Variants in HEMK2 observed in about 807,000 individuals in gnomAD.
The protein encoded by HEMK2 is HemK methyltransferase 2, ETF1 glutamine and histone H4 lysine.
chr21:28,671,012 TG>T, the HEMK2 span: 1 of 152,134 alleles, frequency 6.6e-6, no homozygotes, highest in Non-Finnish European at 1.5e-5. Flanking sequence ...TCAAAGAAAG[TG>T]ATGCAACAGG....
At chr21:28,729,345 CG>C in the HEMK2 span, among the ~76,000 whole-genome samples, 1 of 152,040 alleles carries the variant, frequency 6.6e-6, no homozygotes, top group Non-Finnish European at 1.5e-5. Context: ...AAACCAAGAC[CG>C]TGGCCTAGAA....
At chr21:28,672,032 T>G in the HEMK2 span, among the ~76,000 whole-genome samples, 2 of 152,064 alleles carry the variant, frequency 1.3e-5, no homozygotes, top group African/African-American at 4.8e-5. Flanking sequence ...CATAGGCAAG[T>G]TTAAAGTACA....
chr21:28,583,298 G>A, the HEMK2 span, among the ~76,000 whole-genome samples: 7 of 152,068 alleles, frequency 4.6e-5, no homozygotes, highest in African/African-American at 7.2e-5. Context: ...ATAAAATAAC[G>A]GAGTTTCTTC....
chr21:28,675,419 A>G, the HEMK2 span, among the ~76,000 whole-genome samples: 8 of 152,242 alleles, frequency 5.3e-5, no homozygotes, highest in East Asian at 1.5e-3. Flanking sequence ...CTCGTGATCT[A>G]ACTGTTATTA....
the HEMK2 span, among the ~76,000 whole-genome samples, chr21:28,879,353 C>T: frequency 6.6e-6 from 1 of 152,160 alleles, no homozygotes; most frequent in Non-Finnish European, 1.5e-5. Context: ...CGCCATTCTC[C>T]TGCCTCAGTC....
the HEMK2 span, among the ~76,000 whole-genome samples, chr21:28,863,741 A>C: frequency 1.3e-5 from 2 of 152,078 alleles, no homozygotes; most frequent in African/African-American, 4.8e-5. Flanking sequence ...TGTTTTTCAG[A>C]GTAAGATTAT....
At chr21:28,677,783 A>G in the HEMK2 span, among the ~76,000 whole-genome samples, 1 of 152,238 alleles carries the variant, frequency 6.6e-6, no homozygotes, top group Non-Finnish European at 1.5e-5. Flanking sequence ...ACCCAGGCAA[A>G]CAGCGTCTGG....
chr21:28,594,917 G>C, the HEMK2 span, among the ~76,000 whole-genome samples: 3 of 152,136 alleles, frequency 2.0e-5, no homozygotes, highest in African/African-American at 7.2e-5. Context: ...TTTGATTCCA[G>C]GCTTTAACAA....
chr21:28,798,313 A>G, the HEMK2 span, among the ~76,000 whole-genome samples: 1 of 152,214 alleles, frequency 6.6e-6, no homozygotes, highest in Non-Finnish European at 1.5e-5. Context: ...CTTTGCAGAC[A>G]TACTTTTTTC....
chr21:28,827,761 A>AT, the HEMK2 span, among the ~76,000 whole-genome samples: 1 of 152,210 alleles, frequency 6.6e-6, no homozygotes, highest in East Asian at 1.9e-4. Context: ...AATTGCATGC[A>AT]TCTAGTTTTT....
chr21:28,771,256 A>G, the HEMK2 span, among the ~76,000 whole-genome samples: 61 of 152,300 alleles, frequency 4.0e-4, 1 homozygote, highest in Non-Finnish European at 2.1e-4. Context: ...TACTAATATT[A>G]CAATATTGGA....
chr21:28,614,340 C>A, the HEMK2 span, among the ~76,000 whole-genome samples: 1 of 150,192 alleles, frequency 6.7e-6, no homozygotes, highest in Non-Finnish European at 1.5e-5. Context: ...TTAAATTTTT[C>A]TTCAACTCTT....
the HEMK2 span, among the ~76,000 whole-genome samples, chr21:28,638,712 T>A: frequency 1.3e-5 from 2 of 152,106 alleles, no homozygotes; most frequent in African/African-American, 4.8e-5. Context: ...GCTGGCAAAT[T>A]GTCTGGCAGC....
chr21:28,640,594 T>C, the HEMK2 span, among the ~76,000 whole-genome samples: 1 of 152,206 alleles, frequency 6.6e-6, no homozygotes, highest in Non-Finnish European at 1.5e-5. Context: ...CTGAAATCCC[T>C]GCATCTGCAG....
At chr21:28,841,297 A>T in the HEMK2 span, among the ~76,000 whole-genome samples, 6 of 9,382 alleles carry the variant, frequency 6.4e-4, 1 homozygote, top group East Asian at 0.021. Context: ...TATATATTAT[A>T]TATTATATAT....
At chr21:28,766,864 G>C in the HEMK2 span, among the ~76,000 whole-genome samples, 1 of 151,990 alleles carries the variant, frequency 6.6e-6, no homozygotes, top group East Asian at 1.9e-4. Context: ...AGGTTGGGAG[G>C]GGGTGAGGGA....
chr21:28,752,318 A>G, the HEMK2 span, among the ~76,000 whole-genome samples: 1 of 152,210 alleles, frequency 6.6e-6, no homozygotes, highest in African/African-American at 2.4e-5. Context: ...TGATCCCAGG[A>G]TAGTCCAAAG....
At chr21:28,869,601 C>T in the HEMK2 span, among the ~76,000 whole-genome samples, 1 of 152,190 alleles carries the variant, frequency 6.6e-6, no homozygotes, top group Non-Finnish European at 1.5e-5. Context: ...CCAGGACTGG[C>T]TCGAAAATCT....
chr21:28,729,668 A>T, the HEMK2 span, among the ~76,000 whole-genome samples: 1 of 115,816 alleles, frequency 8.6e-6, no homozygotes, highest in South Asian at 2.3e-4. Flanking sequence ...AAATTTCATA[A>T]TGTTTTAAGA....
Sources: gnomAD v4.1 joint callset for allele counts (sites outside exome capture counted in the v4.1 genomes callset) on GRCh38, gnomAD v4.1.1 for gene constraint, MANE v1.5 for transcripts, NCBI Gene and HGNC (gene_info 2026-07-23, HGNC 2026-07-21) for gene names.